ABCA8: variants seen among roughly 807,000 people sequenced by gnomAD.
ABCA8 encodes ABC-type organic anion transporter ABCA8.
Under a neutral mutation model 192.3 loss-of-function variants are expected in ABCA8, and 177 were observed. That is an observed-to-expected ratio of 0.92 (90% CI 0.81 to 1.04). The LOEUF (loss-of-function observed/expected upper bound fraction) is 1.04. Among genes scored for constraint, ABCA8 ranks in the 50% least tolerant of loss-of-function variants. The pLI is 0.00. For synonymous variants in ABCA8, 642 were observed against 690.2 expected, an observed-to-expected ratio of 0.93 and a Z score of 1.09; for missense variants, 1,915 against 1,904.8, an observed-to-expected ratio of 1.01 and a Z score of -0.10.
chr17:68,906,832 C>G (rs1241344354), intron 18 of ABCA8, among the ~76,000 whole-genome samples: 1 of 152,088 alleles, frequency 6.6e-6, no homozygotes, highest in African/African-American at 2.4e-5. Flanking sequence ...ACGCATCTGT[C>G]ATTGTTCATG....
rs148021217 is a variant in ABCA8 at position 68,887,031 on chromosome 17, A to C, written c.3415T>G (p.Phe1139Val). ...AATATACTTACAACATAGAAACAAA[A>C]TGACCAAATGCCACTATTTTTTCTC... ...KGRKNSGIWS[F>V]CFYVVTVFSV... Residue 1139 changes from phenylalanine (F) to valine (V), a missense_variant, in exon 26 of 40, where the codon TTT becomes GTT. Coordinates refer to ENST00000586539, the MANE Select transcript of ABCA8 (RefSeq NM_001288985.2). The C allele has an allele frequency of 4.6e-5, 73 of 1,603,400 alleles. No homozygotes were observed. In the African/African-American group the frequency reaches 9.2e-4, roughly 20 times the overall value.
rs868806376 is a variant in ABCA8 at position 68,944,355 on chromosome 17, T to C, written c.-5-2316A>G. On this transcript the variant is annotated intron_variant, in intron 2 of 39. Coordinates refer to ENST00000586539, the MANE Select transcript of ABCA8 (RefSeq NM_001288985.2). ...ATATATATATATATATATATATATA[T>C]ATATACACATATACATACATATGCA... Among the ~76,000 whole-genome samples the C allele has an allele frequency of 1.2e-3, 106 of 88,998 alleles. 3 individuals are homozygous for C. The highest frequency in any genetic ancestry group is 3.0e-3 in the African/African-American group (67 of 22,216). The allele number at this position is 88,998 out of a possible 152,430, so 58.4% of individuals were successfully genotyped here.
At chr17:68,870,473 A>C (rs1447870808) in intron 37 of ABCA8, among the ~76,000 whole-genome samples, 3 of 152,218 alleles carry the variant, frequency 2.0e-5, no homozygotes, top group Admixed American at 6.5e-5. Flanking sequence ...AAGCTTATTC[A>C]TCTTGCTTAA....
intron 27 of ABCA8, 109 bp from the exon 28 acceptor site, chr17:68,884,505 A>G: frequency 7.1e-7 from 1 of 1,402,838 alleles, no homozygotes; most frequent in East Asian, 2.8e-5. Context: ...GACCATGAAT[A>G]TCACCTAAGT....
At chr17:68,877,794 G>GA in intron 32 of ABCA8, 115 bp from the exon 33 acceptor site, 10 of 1,112,946 alleles carry the variant, frequency 9.0e-6, no homozygotes, top group Non-Finnish European at 1.1e-5. Flanking sequence ...AAACCTCATT[G>GA]GGTTTAATAA....
intron 17 of ABCA8, 71 bp downstream of exon 17, chr17:68,917,290 T>C (rs921268816): frequency 4.7e-6 from 4 of 859,000 alleles, no homozygotes; most frequent in Non-Finnish European, 7.3e-6. Context: ...TCTTCTTGTG[T>C]GTTGTAATGT....
intron 23 of ABCA8, among the ~76,000 whole-genome samples, chr17:68,893,838 A>C (rs2066678228): frequency 6.9e-6 from 1 of 144,606 alleles, no homozygotes; most frequent in African/African-American, 2.5e-5. Context: ...TGCACCCACT[A>C]ACTCGTCATC....
rs776788091 is a variant in ABCA8 at position 68,881,858 on chromosome 17, C to A, written c.3946+5G>T. The A allele has an allele frequency of 1.2e-6, 2 of 1,611,418 alleles. No individual in the cohort carries two copies. ...AGCCAGAAGTGGAAGATCCCTATGG[C>A]CAACCTTTTCTAACACAGAAGGAGA... On this transcript the variant is annotated splice_donor_5th_base_variant and intron_variant, in intron 31 of 39. Transcript: ENST00000586539.
chr17:68,891,024 G>C (rs2066611122), intron 24 of ABCA8, among the ~76,000 whole-genome samples: 1 of 152,096 alleles, frequency 6.6e-6, no homozygotes, highest in Non-Finnish European at 1.5e-5. Context: ...ATACCAACTT[G>C]TTCCACCACA....
chr17:68,890,940 A>G (rs1237189319), intron 24 of ABCA8, among the ~76,000 whole-genome samples: 2 of 152,222 alleles, frequency 1.3e-5, no homozygotes, highest in African/African-American at 4.8e-5. Context: ...ATTGCCTATC[A>G]CAAGATCTGT....
At chr17:68,893,553 C>A (rs2066665240) in intron 23 of ABCA8, among the ~76,000 whole-genome samples, 1 of 151,306 alleles carries the variant, frequency 6.6e-6, no homozygotes, top group South Asian at 2.1e-4. Flanking sequence ...AATAATAAAG[C>A]CCCTTCCTTC....
At chr17:68,894,835 T>TTA (rs2066704933) in intron 22 of ABCA8, 45 bp downstream of exon 22, 1 of 1,571,594 alleles carries the variant, frequency 6.4e-7, no homozygotes, top group African/African-American at 1.4e-5. Flanking sequence ...TGATATTATG[T>TTA]TAGCTTTTCA....
chr17:68,905,462 A>G (rs951415747), intron 19 of ABCA8, among the ~76,000 whole-genome samples: 1 of 152,214 alleles, frequency 6.6e-6, no homozygotes, highest in African/African-American at 2.4e-5. Context: ...TCTAAAAAAG[A>G]ACAAATGAAA....
intron 11 of ABCA8, among the ~76,000 whole-genome samples, chr17:68,924,330 G>A (rs1305387752): frequency 3.0e-5 from 4 of 133,136 alleles, no homozygotes; most frequent in African/African-American, 1.1e-4. Context: ...TGGGCAACAA[G>A]AGCAAAATTC....
At chr17:68,931,450 A>AT (rs2067873824) in intron 7 of ABCA8, among the ~76,000 whole-genome samples, 1 of 151,870 alleles carries the variant, frequency 6.6e-6, no homozygotes, top group Non-Finnish European at 1.5e-5. Flanking sequence ...TTGTGACATT[A>AT]TTTTTTCTGT....
At chr17:68,900,491 T>C (rs2066877765) in intron 21 of ABCA8, among the ~76,000 whole-genome samples, 1 of 142,666 alleles carries the variant, frequency 7.0e-6, no homozygotes. Flanking sequence ...GCTACACTAG[T>C]ACATTTCTAC....
At chr17:68,875,837 A>G in intron 35 of ABCA8, 104 bp from the exon 36 acceptor site, 3 of 1,328,192 alleles carry the variant, frequency 2.3e-6, no homozygotes, top group Non-Finnish European at 2.0e-6. Flanking sequence ...TAATTAGCAA[A>G]AAGAGATTAA....
intron 5 of ABCA8, among the ~76,000 whole-genome samples, chr17:68,936,349 T>C (rs2068065088): frequency 1.3e-5 from 2 of 152,240 alleles, no homozygotes; most frequent in African/African-American, 4.8e-5. Context: ...TTGAGTTAAT[T>C]TTTGTATATG....
At chr17:68,881,411 G>A (rs1390422078) in intron 31 of ABCA8, among the ~76,000 whole-genome samples, 200 bp from the exon 32 acceptor site, 2 of 152,196 alleles carry the variant, frequency 1.3e-5, no homozygotes, top group Non-Finnish European at 1.5e-5. Context: ...CCTGTGCAAA[G>A]TCACACTGAT....
Sources: gnomAD v4.1 joint callset for allele counts (sites outside exome capture counted in the v4.1 genomes callset) on GRCh38, gnomAD v4.1.1 for gene constraint, MANE v1.5 for transcripts, NCBI Gene and HGNC (gene_info 2026-07-23, HGNC 2026-07-21) for gene names.